Variants in MGST1 observed in about 807,000 individuals in gnomAD.
MGST1 encodes the protein microsomal glutathione S-transferase 1.
MGST1 carries 5 observed loss-of-function variants against 8.9 expected under a neutral mutation model. The ratio of observed to expected loss-of-function variants is 0.56; its 90% CI spans 0.29 to 1.19. MGST1 has a LOEUF of 1.19. Ranked by LOEUF, MGST1 falls within the 50% of genes most tolerant of loss-of-function variation. The pLI is 0.08. For missense variants in MGST1, 182 were observed against 187.4 expected (o/e 0.97, Z 0.17); for synonymous variants, 54 against 67.8 (o/e 0.80, Z 1.00).
chr12:16,580,495 C>A (rs1943125870), intron 4 of MGST1, among the ~76,000 whole-genome samples: 1 of 152,112 alleles, frequency 6.6e-6, no homozygotes, highest in Non-Finnish European at 1.5e-5. Context: ...AAAGTGAAAT[C>A]TTGGATTGGA....
intron 1 of MGST1, among the ~76,000 whole-genome samples, chr12:16,408,101 A>C (rs891889836): frequency 6.6e-6 from 1 of 151,768 alleles, no homozygotes; most frequent in East Asian, 1.9e-4. Context: ...TACTTAGCAA[A>C]GTAATACAGG....
chr12:16,478,644 A>G (rs1179144078), intron 4 of MGST1, among the ~76,000 whole-genome samples: 1 of 152,094 alleles, frequency 6.6e-6, no homozygotes, highest in Admixed American at 6.6e-5. Flanking sequence ...TTAATTTCAG[A>G]AAGTGGGAGG....
downstream of MGST1, among the ~76,000 whole-genome samples, chr12:16,380,415 G>A (rs1449715424): frequency 6.6e-6 from 1 of 152,170 alleles, no homozygotes; most frequent in Non-Finnish European, 1.5e-5. Flanking sequence ...TAGTCATTCA[G>A]GAGCAGGTTG....
rs12422768 is a variant in MGST1 at position 16,517,665 on chromosome 12, A to T, written n.483-71863A>T. Among the ~76,000 whole-genome samples, 5 of 152,114 alleles carry T rather than the reference A, an allele frequency of 3.3e-5. No individual in the cohort carries two copies. The highest frequency in any genetic ancestry group is 7.4e-5 in the Non-Finnish European group (5 of 68,018). On this transcript the variant is annotated intron_variant and non_coding_transcript_variant, in intron 4 of 4. Transcript: ENST00000538857. This position sits in a 1 kb window ranked among gnomAD's most constrained non-coding sequence, Gnocchi z 4.2. ...AATCATGGAACAATGGCCATGACAGAGTGTTGCAAGCCAACTTGGCTTGTG... is the reference window on the plus strand; with the variant it reads ...AATCATGGAACAATGGCCATGACAGTGTGTTGCAAGCCAACTTGGCTTGTG...
At chr12:16,457,477 C>A (rs959108303) in intron 4 of MGST1, among the ~76,000 whole-genome samples, 5 of 151,916 alleles carry the variant, frequency 3.3e-5, no homozygotes, top group Non-Finnish European at 7.4e-5. Context: ...GATTATTACT[C>A]AAGTCTCATT....
chr12:16,395,794 T>TACACAC lies in MGST1; in HGVS notation n.778+12191_778+12192insCACACA, dbSNP rs71054815. On this transcript the variant is annotated intron_variant and non_coding_transcript_variant, in intron 1 of 1. Coordinates refer to the MGST1 transcript ENST00000359720. ...TAGTATTCCATCATATATATATATA[T>TACACAC]ATATATATATACACACACACACACA... Among the ~76,000 whole-genome samples, 108 of 133,454 alleles carry TACACAC rather than the reference T, an allele frequency of 8.1e-4. 1 individual carries two copies. Among genetic ancestry groups the TACACAC allele is most frequent in the Non-Finnish European group, 1.3e-3 (83 of 64,528 alleles). 87.6% of individuals were successfully genotyped at this position (133,454 alleles called of 152,430 possible). A position where few individuals can be genotyped will look rare whatever the true frequency, so the allele number is the denominator to read the frequency against.
At position 16,352,782 on chromosome 12, in the gene MGST1, T is replaced by C. The variant is rs562375113; in HGVS notation, c.-22-1449T>C. On this transcript the variant is annotated intron_variant, in intron 1 of 3. Coordinates refer to ENST00000396210, the MANE Select transcript of MGST1 (RefSeq NM_020300.5). Reference sequence around the variant, plus strand: ...AAGGATCATGTAAAGCTAATTCTCCTTCCCTATTACACCCATGAAAGTACC... The same window carrying C: ...AAGGATCATGTAAAGCTAATTCTCCCTCCCTATTACACCCATGAAAGTACC... Among the ~76,000 whole-genome samples, 87 of 152,330 alleles carry C rather than the reference T, an allele frequency of 5.7e-4. 1 individual carries two copies. The South Asian group carries it at 0.018, about 32-fold the overall frequency.
chr12:16,398,796 A>G (rs1940627507), intron 1 of MGST1, among the ~76,000 whole-genome samples: 1 of 152,196 alleles, frequency 6.6e-6, no homozygotes, highest in South Asian at 2.1e-4. Context: ...ATTTCCAAGA[A>G]CCTTGAGTAT....
chr12:16,372,162 C>T (rs1940304045), intron 3 of MGST1, among the ~76,000 whole-genome samples: 1 of 152,028 alleles, frequency 6.6e-6, no homozygotes, highest in African/African-American at 2.4e-5. Flanking sequence ...ACACAGGCGA[C>T]CAAAGCAGAA....
At chr12:16,358,139 G>A (rs1224310017) in intron 3 of MGST1, among the ~76,000 whole-genome samples, 1 of 152,142 alleles carries the variant, frequency 6.6e-6, no homozygotes, top group Non-Finnish European at 1.5e-5. Flanking sequence ...TCTCCCCACT[G>A]CCATCTCTTT....
At chr12:16,574,076 C>T (rs989209601) in intron 4 of MGST1, 1 of 152,118 alleles carries the variant, frequency 6.6e-6, no homozygotes, top group Non-Finnish European at 1.5e-5. Flanking sequence ...TGCAGCTTAC[C>T]TGATCCCTTT....
chr12:16,450,992 T>C (rs1941124616), intron 4 of MGST1, among the ~76,000 whole-genome samples: 1 of 151,890 alleles, frequency 6.6e-6, no homozygotes, highest in Admixed American at 6.6e-5. Context: ...TTAAATGCTG[T>C]GAAATTAATA....
intron 1 of MGST1, among the ~76,000 whole-genome samples, chr12:16,434,653 C>T (rs892173822): frequency 7.2e-5 from 11 of 152,006 alleles, no homozygotes; most frequent in African/African-American, 2.7e-4. Context: ...CTTCTACCTG[C>T]ACTTTTTTCT....
At chr12:16,588,529 G>A (rs1482682610) in intron 4 of MGST1, among the ~76,000 whole-genome samples, 3 of 152,006 alleles carry the variant, frequency 2.0e-5, no homozygotes, top group African/African-American at 7.2e-5. Flanking sequence ...GATATATAAG[G>A]TATTTTAGAA....
At chr12:16,404,827 A>G (rs904408504) in intron 1 of MGST1, among the ~76,000 whole-genome samples, 1 of 152,144 alleles carries the variant, frequency 6.6e-6, no homozygotes, top group African/African-American at 2.4e-5. Context: ...CAGACCTTCC[A>G]GATGGAATTG....
downstream of MGST1, among the ~76,000 whole-genome samples, chr12:16,591,684 A>G (rs1420823265): frequency 6.6e-6 from 1 of 152,038 alleles, no homozygotes; most frequent in African/African-American, 2.4e-5. This position sits in a 1 kb window ranked among gnomAD's most constrained non-coding sequence, Gnocchi z 4.1. Context: ...AGGGGTGTCA[A>G]TTATTGATAA....
chr12:16,553,200 C>T lies in MGST1; in HGVS notation n.483-36328C>T, dbSNP rs551673305. On this transcript the variant is annotated intron_variant and non_coding_transcript_variant, in intron 4 of 4. Coordinates refer to the MGST1 transcript ENST00000538857. ...TCATGGCTTTTTACAGAAGAAAAAC[C>T]TAAGACTCCGTGCCAGAATTTCAAA... is the stretch of plus-strand genomic sequence containing the variant. Among the ~76,000 whole-genome samples, 121 of 152,146 alleles carry T rather than the reference C, an allele frequency of 8.0e-4. 1 individual carries two copies. Among genetic ancestry groups the T allele is most frequent in the Middle Eastern group, 3.4e-3 (1 of 294 alleles).
At chr12:16,472,155 C>T (rs1941293131) in intron 4 of MGST1, among the ~76,000 whole-genome samples, 1 of 152,120 alleles carries the variant, frequency 6.6e-6, no homozygotes, top group South Asian at 2.1e-4. Flanking sequence ...ATTATAATCT[C>T]TCAAGGAATT....
At chr12:16,438,932 A>G (rs1242891221), downstream of MGST1, among the ~76,000 whole-genome samples, 1 of 151,860 alleles carries the variant, frequency 6.6e-6, no homozygotes, top group African/African-American at 2.4e-5. Context: ...ATACTATTTT[A>G]ACTAACTACT....
Sources: allele counts gnomAD v4.1 joint callset (sites outside exome capture counted in the v4.1 genomes callset), GRCh38; gene constraint gnomAD v4.1.1; non-coding constraint Gnocchi (gnomAD v3.1); transcripts MANE v1.5; gene names NCBI Gene and HGNC (gene_info 2026-07-23, HGNC 2026-07-21).